The following MYRIP variants were observed in gnomAD, a reference collection of about 807,000 sequenced individuals.
MYRIP encodes myosin VIIA and Rab interacting protein.
A neutral mutation model predicts 98.0 loss-of-function variants in MYRIP; 49 were observed. The ratio of observed to expected loss-of-function variants is 0.50; its 90% CI spans 0.40 to 0.63. The LOEUF is 0.63. Ranked by LOEUF, MYRIP falls within the 30% of genes least tolerant of loss-of-function variation. MYRIP has a pLI of 0.00. For synonymous variants in MYRIP, 404 were observed against 409.5 expected, an observed-to-expected ratio of 0.99 and a Z score of 0.16; for missense variants, 1,004 against 1,058.2, an observed-to-expected ratio of 0.95 and a Z score of 0.71.
chr3:39,850,325 A>G (rs560216567), intron 1 of MYRIP, among the ~76,000 whole-genome samples: 5 of 152,204 alleles, frequency 3.3e-5, no homozygotes, highest in Non-Finnish European at 7.3e-5. Context: ...CACAGTGTCC[A>G]CTGGTGCTTT....
intron 2 of MYRIP, among the ~76,000 whole-genome samples, chr3:39,904,070 A>G (rs1455358038): frequency 3.3e-5 from 5 of 152,056 alleles, no homozygotes. Context: ...CTCTGATAAT[A>G]TTTTACTTTT....
chr3:39,835,864 T>C lies in MYRIP; in HGVS notation c.-31+25948T>C, dbSNP rs144718883. Among the ~76,000 whole-genome samples the C allele has an allele frequency of 5.3e-5, 8 of 152,296 alleles. No homozygotes were observed. The East Asian group carries it at 1.5e-3, about 29-fold the overall frequency. On this transcript the variant is annotated intron_variant, in intron 1 of 16. Transcript: ENST00000302541. ...GAGTGATTGATTTTCTGTTCCTGTG[T>C]TAGTTTGCTGAGAATGATGGTTTCC...
chr3:40,057,032 T>C (rs1036240211), intron 3 of MYRIP, among the ~76,000 whole-genome samples: 5 of 152,184 alleles, frequency 3.3e-5, no homozygotes, highest in African/African-American at 7.2e-5. Flanking sequence ...CTGTTATTGA[T>C]GTGATAGTAA....
At chr3:40,008,311 A>G (rs2125792937) in intron 2 of MYRIP, among the ~76,000 whole-genome samples, 1 of 152,370 alleles carries the variant, frequency 6.6e-6, no homozygotes, top group Admixed American at 6.5e-5. Context: ...TAAGCTATGT[A>G]TTTATTTATT....
chr3:39,942,261 T>C (rs915916052), intron 2 of MYRIP, among the ~76,000 whole-genome samples: 1 of 152,146 alleles, frequency 6.6e-6, no homozygotes, highest in African/African-American at 2.4e-5. Flanking sequence ...TCCCATTGTA[T>C]GTACGGCGTG....
At chr3:39,961,099 T>G (rs1945313453) in intron 2 of MYRIP, among the ~76,000 whole-genome samples, 1 of 152,146 alleles carries the variant, frequency 6.6e-6, no homozygotes, top group African/African-American at 2.4e-5. Context: ...TTTGGCAGAC[T>G]GGTGCAAGTT....
At chr3:40,152,813 C>T (rs1950147881) in intron 4 of MYRIP, among the ~76,000 whole-genome samples, 2 of 151,992 alleles carry the variant, frequency 1.3e-5, no homozygotes, top group African/African-American at 4.8e-5. Context: ...TGTACTAGTT[C>T]AACCTTAAAA....
At chr3:40,232,307 G>A (rs73827172) in intron 11 of MYRIP, among the ~76,000 whole-genome samples, 1,904 of 152,340 alleles carry the variant, frequency 0.012, 29 homozygotes, top group African/African-American at 0.042. Context: ...GTGAGACCAT[G>A]TGCCTCAGTG....
At chr3:39,847,619 T>C (rs967915840) in intron 1 of MYRIP, among the ~76,000 whole-genome samples, 2 of 152,162 alleles carry the variant, frequency 1.3e-5, no homozygotes, top group African/African-American at 4.8e-5. Context: ...TAATTCTCAG[T>C]GATTTTGATA....
intron 15 of MYRIP, among the ~76,000 whole-genome samples, chr3:40,251,164 G>T (rs1575683362): frequency 6.6e-6 from 1 of 152,210 alleles, no homozygotes; most frequent in Non-Finnish European, 1.5e-5. Context: ...ACAAAAGGGT[G>T]ATACCAAACT....
intron 1 of MYRIP, among the ~76,000 whole-genome samples, chr3:39,845,007 C>A (rs936386800): frequency 1.3e-5 from 2 of 152,158 alleles, no homozygotes; most frequent in African/African-American, 4.8e-5. Context: ...TGAATGAGAG[C>A]AGGATACTCA....
chr3:40,023,943 CTTTTT>C (rs975914823), intron 2 of MYRIP, among the ~76,000 whole-genome samples: 2 of 152,054 alleles, frequency 1.3e-5, no homozygotes, highest in Non-Finnish European at 2.9e-5. Context: ...GATTTTGTGA[CTTTTT>C]TGATGATTAA....
At chr3:39,871,915 A>G (rs888080264) in intron 1 of MYRIP, among the ~76,000 whole-genome samples, 1 of 151,986 alleles carries the variant, frequency 6.6e-6, no homozygotes, top group Non-Finnish European at 1.5e-5. Flanking sequence ...AATATATATA[A>G]AATATATAGA....
chr3:39,859,210 A>G (rs1942391552), intron 1 of MYRIP, among the ~76,000 whole-genome samples: 1 of 152,136 alleles, frequency 6.6e-6, no homozygotes, highest in African/African-American at 2.4e-5. Flanking sequence ...CAACTGATAC[A>G]GTGGAATTAC....
chr3:39,878,572 A>C (rs1943073212), intron 1 of MYRIP, among the ~76,000 whole-genome samples: 1 of 152,040 alleles, frequency 6.6e-6, no homozygotes, highest in South Asian at 2.1e-4. Context: ...ATATATATAC[A>C]CAGAGGTGTA....
intron 8 of MYRIP, chr3:40,174,752 G>C (rs1950711890): frequency 6.6e-6 from 1 of 152,180 alleles, no homozygotes; most frequent in South Asian, 2.1e-4. Flanking sequence ...TACTAATTAA[G>C]GTCCTAGCAA....
At chr3:39,897,051 T>C (rs372662964) in intron 1 of MYRIP, among the ~76,000 whole-genome samples, 1 of 152,322 alleles carries the variant, frequency 6.6e-6, no homozygotes, top group African/African-American at 2.4e-5. Flanking sequence ...CTTATGATAA[T>C]TAAATTTGAA....
rs1245333082 is a variant in MYRIP, at chr3:40,250,254, G to A, written c.2295G>A (p.Leu765=). Residue 765 remains leucine, a synonymous_variant, in exon 14 of 17, where the codon CTG becomes CTA. Transcript: ENST00000302541. ...ATATTGAGAGCCGGATTTCAGCCCT[G>A]ACCATTGCAGGATTAAACATAGCAC... is the stretch of plus-strand genomic sequence containing the variant. ...ISDIESRISA[L]TIAGLNIAPC... is the part of the protein sequence containing the mutation. 1.9e-6 allele frequency: 3 copies of A among 1,614,016 alleles called. No homozygotes were observed. The Admixed American group carries it at 5.0e-5, about 27-fold the overall frequency.
intron 1 of MYRIP, among the ~76,000 whole-genome samples, chr3:39,885,265 A>G (rs547699552): frequency 1.3e-5 from 2 of 151,658 alleles, no homozygotes; most frequent in South Asian, 2.1e-4. Context: ...TGAAATTTTT[A>G]TATTGGGGGA....
Sources: allele counts gnomAD v4.1 joint callset (sites outside exome capture counted in the v4.1 genomes callset), GRCh38; gene constraint gnomAD v4.1.1; transcripts MANE v1.5; gene names NCBI Gene and HGNC (gene_info 2026-07-23, HGNC 2026-07-21).